The following RNGTT variants were observed in gnomAD, a reference collection of about 807,000 sequenced individuals.
RNGTT encodes the protein mRNA-capping enzyme.
RNGTT carries 33 observed loss-of-function variants against 79.3 expected under a neutral mutation model. The ratio of observed to expected loss-of-function variants is 0.42; its 90% CI spans 0.32 to 0.56. The LOEUF (loss-of-function observed/expected upper bound fraction) is 0.56, where lower values mean the gene tolerates loss of function less well. Ranked by LOEUF, RNGTT falls within the 20% of genes least tolerant of loss-of-function variation. RNGTT has a pLI of 0.17. For synonymous variants in RNGTT, 222 were observed against 235.9 expected (o/e 0.94, Z 0.54); for missense variants, 497 against 739.1 (o/e 0.67, Z 3.80).
chr6:88,838,064 G>T (rs373148318), intron 11 of RNGTT, among the ~76,000 whole-genome samples: 1 of 152,068 alleles, frequency 6.6e-6, no homozygotes, highest in Non-Finnish European at 1.5e-5. Flanking sequence ...AAGAGAGTTC[G>T]ATAAATAAGA....
intron 14 of RNGTT, among the ~76,000 whole-genome samples, chr6:88,664,889 C>T (rs58908985): frequency 0.071 from 10,869 of 152,122 alleles, 450 homozygotes; most frequent in African/African-American, 0.094. Flanking sequence ...AGTGACCACC[C>T]CGGTCGCCCC....
intron 2 of RNGTT, among the ~76,000 whole-genome samples, chr6:88,932,510 C>T (rs1360307493): frequency 2.0e-5 from 3 of 152,132 alleles, no homozygotes; most frequent in African/African-American, 4.8e-5. Context: ...GCTGGTTTTG[C>T]GGCTCAGGGG....
intron 11 of RNGTT, among the ~76,000 whole-genome samples, chr6:88,843,617 G>A (rs1247888358): frequency 7.5e-6 from 1 of 133,756 alleles, no homozygotes; most frequent in Non-Finnish European, 1.5e-5. Context: ...GGAGTGCAAT[G>A]GCGCAATCTC....
chr6:88,615,615 C>CT (rs1411095232), intron 14 of RNGTT, among the ~76,000 whole-genome samples: 2 of 152,158 alleles, frequency 1.3e-5, no homozygotes, highest in African/African-American at 2.4e-5. Context: ...TTTGGAAACA[C>CT]TGTGTATATG....
chr6:88,946,415 C>T (rs529752766), intron 1 of RNGTT, among the ~76,000 whole-genome samples: 13 of 152,110 alleles, frequency 8.5e-5, no homozygotes, highest in African/African-American at 3.1e-4. Flanking sequence ...TCCTGAGACA[C>T]AATAATATTG....
chr6:88,636,144 C>T (rs1156634804), intron 14 of RNGTT, among the ~76,000 whole-genome samples: 1 of 151,974 alleles, frequency 6.6e-6, no homozygotes, highest in South Asian at 2.1e-4. Flanking sequence ...ATCTCCAGCA[C>T]CTCCCTGTTG....
At chr6:88,849,921 C>A in intron 9 of RNGTT, 95 bp from the exon 10 acceptor site, 1 of 1,169,590 alleles carries the variant, frequency 8.5e-7, no homozygotes, top group South Asian at 2.2e-5. Flanking sequence ...AGCACATAAA[C>A]CATAAATATA....
intron 8 of RNGTT, among the ~76,000 whole-genome samples, chr6:88,868,344 T>C (rs766423641): frequency 7.9e-5 from 12 of 152,182 alleles, no homozygotes; most frequent in Non-Finnish European, 1.5e-4. Context: ...GGCTTAGCAA[T>C]CATTAAAACT....
chr6:88,835,663 A>T (rs965133422), intron 11 of RNGTT, among the ~76,000 whole-genome samples: 6 of 152,168 alleles, frequency 3.9e-5, no homozygotes, highest in Non-Finnish European at 5.9e-5. Context: ...GCAAGTAATA[A>T]CAGAGCTTTG....
intron 11 of RNGTT, among the ~76,000 whole-genome samples, chr6:88,816,071 A>G (rs928921036): frequency 6.6e-6 from 1 of 152,238 alleles, no homozygotes; most frequent in Non-Finnish European, 1.5e-5. Flanking sequence ...TGTGAACAAA[A>G]TAGCAAAATA....
chr6:88,715,832 C>G (rs879916928), intron 13 of RNGTT, among the ~76,000 whole-genome samples: 14 of 152,202 alleles, frequency 9.2e-5, no homozygotes, highest in Non-Finnish European at 1.3e-4. Context: ...GGATTAAAGA[C>G]TTACATGTTA....
chr6:88,949,152 A>T (rs1301187650), intron 1 of RNGTT, among the ~76,000 whole-genome samples: 1 of 126,242 alleles, frequency 7.9e-6, no homozygotes, highest in Non-Finnish European at 1.6e-5. Context: ...ATAAAATAAA[A>T]TAAAATGAAA....
intron 11 of RNGTT, among the ~76,000 whole-genome samples, chr6:88,834,220 A>G (rs1372565592): frequency 6.6e-6 from 1 of 152,182 alleles, no homozygotes; most frequent in Non-Finnish European, 1.5e-5. Context: ...TTATTTCTTC[A>G]TGTGTCAATG....
At chr6:88,943,623 A>G (rs1390000710) in intron 1 of RNGTT, among the ~76,000 whole-genome samples, 2 of 152,122 alleles carry the variant, frequency 1.3e-5, no homozygotes, top group Admixed American at 1.3e-4. Context: ...TAGTGTTTAT[A>G]TTCTATTAGG....
At chr6:88,902,288 T>C (rs1196170075) in intron 6 of RNGTT, among the ~76,000 whole-genome samples, 2 of 151,796 alleles carry the variant, frequency 1.3e-5, no homozygotes, top group Non-Finnish European at 2.9e-5. Context: ...AATAAGTAAA[T>C]GGAATAAAAG....
chr6:88,653,912 T>A (rs565191212), intron 14 of RNGTT, among the ~76,000 whole-genome samples: 1 of 152,194 alleles, frequency 6.6e-6, no homozygotes, highest in Non-Finnish European at 1.5e-5. Flanking sequence ...ATAAAGATAA[T>A]ATTGAGATTG....
At chr6:88,802,305 A>G (rs1252664942) in intron 11 of RNGTT, among the ~76,000 whole-genome samples, 10 of 152,050 alleles carry the variant, frequency 6.6e-5, no homozygotes, top group Admixed American at 3.3e-4. Flanking sequence ...TTTTCCAAGC[A>G]GAGAATTTCA....
At chr6:88,708,141 G>T (rs980067087) in intron 13 of RNGTT, among the ~76,000 whole-genome samples, 1 of 152,032 alleles carries the variant, frequency 6.6e-6, no homozygotes, top group African/African-American at 2.4e-5. Flanking sequence ...TGGCTGAAAA[G>T]ATTAGATTTT....
chr6:88,666,755 A>G (rs1382636640), intron 14 of RNGTT, among the ~76,000 whole-genome samples: 2 of 152,228 alleles, frequency 1.3e-5, no homozygotes, highest in Non-Finnish European at 2.9e-5. Context: ...TCCGCTGGAT[A>G]TGCAGTGGTA....
Sources: gnomAD v4.1 joint callset for allele counts (sites outside exome capture counted in the v4.1 genomes callset) on GRCh38, gnomAD v4.1.1 for gene constraint, MANE v1.5 for transcripts, NCBI Gene and HGNC (gene_info 2026-07-23, HGNC 2026-07-21) for gene names.